NLGN1: variants seen among roughly 807,000 people sequenced by gnomAD.
NLGN1 encodes the protein neuroligin 1, also known as neuroligin-1.
Under a neutral mutation model 65.5 loss-of-function variants are expected in NLGN1, and 12 were observed. The ratio of observed to expected loss-of-function variants is 0.18; its 90% confidence interval spans 0.12 to 0.30. NLGN1 has a LOEUF of 0.30. NLGN1 is among the 10% of genes least tolerant of loss of function. NLGN1 has a pLI of 1.00. For synonymous variants in NLGN1, 350 were observed against 359.5 expected (o/e 0.97, Z 0.30); for missense variants, 750 against 1,007.1 (o/e 0.74, Z 3.46).
intron 4 of NLGN1, among the ~76,000 whole-genome samples, chr3:173,892,710 A>G (rs1735591963): frequency 6.7e-6 from 1 of 150,252 alleles, no homozygotes; most frequent in Non-Finnish European, 1.5e-5. Context: ...ATCCAGCTCT[A>G]CATCCGAGTT....
At chr3:173,492,547 G>C (rs932717584) in intron 2 of NLGN1, among the ~76,000 whole-genome samples, 6 of 151,654 alleles carry the variant, frequency 4.0e-5, no homozygotes, top group African/African-American at 1.5e-4. Context: ...TATTTTCTAG[G>C]CAAGGTTGAA....
intron 4 of NLGN1, among the ~76,000 whole-genome samples, chr3:174,211,102 T>G (rs1181304722): frequency 6.6e-6 from 1 of 152,186 alleles, no homozygotes; most frequent in Non-Finnish European, 1.5e-5. Context: ...GGAGTGAAGC[T>G]GCAGATCTTC....
intron 3 of NLGN1, among the ~76,000 whole-genome samples, chr3:173,700,188 A>C (rs1766913559): frequency 6.6e-6 from 1 of 152,262 alleles, no homozygotes; most frequent in African/African-American, 2.4e-5. Context: ...TTGTATATCT[A>C]CAAAAATTAT....
At chr3:173,781,620 C>T (rs1781173523) in intron 3 of NLGN1, among the ~76,000 whole-genome samples, 1 of 152,130 alleles carries the variant, frequency 6.6e-6, no homozygotes, top group Non-Finnish European at 1.5e-5. Flanking sequence ...TGAATAGAGA[C>T]ATGGACACTG....
intron 2 of NLGN1, among the ~76,000 whole-genome samples, chr3:173,568,976 C>A (rs962542976): frequency 6.6e-6 from 1 of 152,144 alleles, no homozygotes; most frequent in Non-Finnish European, 1.5e-5. Context: ...CGCGCCTGGC[C>A]TAGGACTTCT....
At chr3:173,985,483 T>C (rs1719688151) in intron 4 of NLGN1, among the ~76,000 whole-genome samples, 1 of 152,148 alleles carries the variant, frequency 6.6e-6, no homozygotes, top group South Asian at 2.1e-4. Flanking sequence ...AGAAAGCATT[T>C]TGGTTTTGTC....
intron 3 of NLGN1, among the ~76,000 whole-genome samples, chr3:173,776,504 C>T (rs1365681736): frequency 6.6e-6 from 1 of 152,014 alleles, no homozygotes; most frequent in African/African-American, 2.4e-5. Flanking sequence ...TAAGTGTCAA[C>T]TTGTTGTGGT....
At chr3:173,459,199 C>T (rs566288518) in intron 2 of NLGN1, among the ~76,000 whole-genome samples, 1 of 152,088 alleles carries the variant, frequency 6.6e-6, no homozygotes, top group Non-Finnish European at 1.5e-5. Flanking sequence ...TCTTAATGCT[C>T]AGCCCATTGC....
chr3:174,038,198 C>G lies in NLGN1; in HGVS notation c.646+230366C>G, dbSNP rs528814348. Among the ~76,000 whole-genome samples the G allele has an allele frequency of 2.6e-5, 4 of 152,274 alleles. No individual in the cohort carries two copies. The South Asian group carries it at 8.3e-4, about 32-fold the overall frequency. On this transcript the variant is annotated intron_variant, in intron 4 of 6. Transcript: ENST00000457714. ...TGCTTTTAATTCTGTAAATCTCACTCAGCTTCTATGAGCAAGTCATGGAAC... is the reference window on the plus strand; with the variant it reads ...TGCTTTTAATTCTGTAAATCTCACTGAGCTTCTATGAGCAAGTCATGGAAC...
chr3:174,273,030 T>C (rs1422744028), intron 4 of NLGN1, among the ~76,000 whole-genome samples: 13 of 151,544 alleles, frequency 8.6e-5, no homozygotes, highest in Admixed American at 1.3e-4. Context: ...ACTGTTGTTA[T>C]ATAAACACAA....
intron 3 of NLGN1, among the ~76,000 whole-genome samples, chr3:173,708,960 C>T (rs1768492894): frequency 1.3e-5 from 2 of 152,108 alleles, no homozygotes; most frequent in African/African-American, 4.8e-5. Context: ...AACGTTATTT[C>T]CGTGTGTTGT....
intron 2 of NLGN1, among the ~76,000 whole-genome samples, chr3:173,531,285 C>G (rs1475756177): frequency 6.6e-6 from 1 of 151,998 alleles, no homozygotes; most frequent in East Asian, 1.9e-4. Context: ...TTTTCAAGAA[C>G]TTTAAAGTTT....
intron 4 of NLGN1, among the ~76,000 whole-genome samples, chr3:173,841,434 G>A (rs1445533329): frequency 6.6e-6 from 1 of 152,170 alleles, no homozygotes; most frequent in Non-Finnish European, 1.5e-5. Context: ...GGAGGAGGTT[G>A]TTAAGGGGGA....
intron 2 of NLGN1, among the ~76,000 whole-genome samples, chr3:173,482,631 T>A (rs1279953284): frequency 5.3e-5 from 8 of 151,980 alleles, no homozygotes; most frequent in African/African-American, 1.7e-4. Flanking sequence ...CGGAGGCTAT[T>A]TTAGATACAG....
intron 3 of NLGN1, among the ~76,000 whole-genome samples, chr3:173,721,164 T>C (rs1424865632): frequency 1.3e-5 from 2 of 152,378 alleles, no homozygotes; most frequent in East Asian, 1.9e-4. Context: ...GCCATTATTA[T>C]GTTTACAAGT....
At chr3:173,709,739 G>T (rs951690069) in intron 3 of NLGN1, among the ~76,000 whole-genome samples, 9 of 143,738 alleles carry the variant, frequency 6.3e-5, no homozygotes, top group African/African-American at 1.8e-4. Context: ...GGAGGCGGAG[G>T]TTGCAGTGAG....
chr3:174,000,204 A>AT (rs1158916504), intron 4 of NLGN1, among the ~76,000 whole-genome samples: 1 of 151,944 alleles, frequency 6.6e-6, no homozygotes, highest in Non-Finnish European at 1.5e-5. Flanking sequence ...TCCAGGTTCC[A>AT]TTTTTTTAGT....
intron 4 of NLGN1, among the ~76,000 whole-genome samples, chr3:174,084,340 A>G (rs1742851110): frequency 6.6e-6 from 1 of 152,190 alleles, no homozygotes; most frequent in Non-Finnish European, 1.5e-5. Context: ...TAGTTATTGA[A>G]GAAGAAAATT....
intron 4 of NLGN1, among the ~76,000 whole-genome samples, chr3:173,998,849 A>G (rs963318724): frequency 1.2e-4 from 19 of 152,142 alleles, no homozygotes; most frequent in African/African-American, 4.3e-4. Flanking sequence ...CACATTATTC[A>G]CTTACATGCA....
Sources: allele counts gnomAD v4.1 joint callset (sites outside exome capture counted in the v4.1 genomes callset), GRCh38; gene constraint gnomAD v4.1.1; transcripts MANE v1.5; gene names NCBI Gene and HGNC (gene_info 2026-07-23, HGNC 2026-07-21).